Variants in UBE2L3 observed in about 807,000 individuals in gnomAD.
The protein encoded by UBE2L3 is ubiquitin conjugating enzyme E2 L3.
A neutral mutation model predicts 17.8 loss-of-function variants in UBE2L3; 1 was observed. The observed-to-expected ratio is 0.06, with a 90% confidence interval of 0.02 to 0.27. The LOEUF is 0.27. UBE2L3 is among the 10% of genes least tolerant of loss of function. The pLI, the probability that UBE2L3 is intolerant of heterozygous loss-of-function variation, is 1.00. For missense variants in UBE2L3, 40 were observed against 192.6 expected (o/e 0.21, Z 4.69); for synonymous variants, 44 against 68.5 (o/e 0.64, Z 1.76).
intron 3 of UBE2L3, among the ~76,000 whole-genome samples, 156 bp from the exon 4 acceptor site, chr22:21,621,359 C>T (rs1323874830): frequency 6.6e-6 from 1 of 152,174 alleles, no homozygotes; most frequent in East Asian, 1.9e-4. Flanking sequence ...TTCTGGCAGT[C>T]AGAATTTTGG....
At chr22:21,560,906 A>C (rs917706265) in intron 1 of UBE2L3, among the ~76,000 whole-genome samples, 11 of 152,304 alleles carry the variant, frequency 7.2e-5, no homozygotes, top group Admixed American at 2.6e-4. Flanking sequence ...TTAAGCATGC[A>C]ATCTAGCCAG....
chr22:21,563,073 C>G (rs200914186), upstream of UBE2L3, among the ~76,000 whole-genome samples: 2 of 150,900 alleles, frequency 1.3e-5, no homozygotes, highest in East Asian at 4.0e-4. Flanking sequence ...GAAACCCCGT[C>G]TCTACTAAAA....
chr22:21,568,373 A>G, intron 1 of UBE2L3: 1 of 985,486 alleles, frequency 1.0e-6, no homozygotes, highest in Non-Finnish European at 1.2e-6. Context: ...AGAGTCACAC[A>G]GCGGGTAAGT....
At chr22:21,565,162 C>A (rs1446271060), upstream of UBE2L3, among the ~76,000 whole-genome samples, 1 of 151,804 alleles carries the variant, frequency 6.6e-6, no homozygotes, top group African/African-American at 2.4e-5. Flanking sequence ...GAGCTATCTC[C>A]ACTCACGGCA....
At position 21,575,258 on chromosome 22, in the gene UBE2L3, CAA is replaced by C. The variant is rs999280735; in HGVS notation, c.27+7505_27+7506del. ...TGGGCAACAGAGTAAGACTCCATCT[CAA>C]AAAAAAAAAAAAAAAAAGAAAAGGA... On this transcript the variant is annotated intron_variant, in intron 1 of 3. Coordinates refer to ENST00000342192, the MANE Select transcript of UBE2L3 (RefSeq NM_003347.4). Among the ~76,000 whole-genome samples, 364 of 52,700 alleles carry C rather than the reference CAA, an allele frequency of 6.9e-3. 1 individual carries two copies. The highest frequency in any genetic ancestry group is 0.017 in the African/African-American group (325 of 19,234). The allele number at this position is 52,700 out of a possible 152,430, so 34.6% of individuals were successfully genotyped here.
chr22:21,559,184 TA>T (rs1416010122), intron 1 of UBE2L3, among the ~76,000 whole-genome samples: 6 of 152,064 alleles, frequency 3.9e-5, no homozygotes, highest in African/African-American at 1.5e-4. Context: ...CCATCTCTAC[TA>T]AAAAACACAA....
intron 2 of UBE2L3, among the ~76,000 whole-genome samples, chr22:21,609,177 G>A (rs1033621310): frequency 2.6e-5 from 4 of 152,172 alleles, no homozygotes; most frequent in East Asian, 1.9e-4. Context: ...GATTACAGGC[G>A]TGAGCCACCG....
chr22:21,575,148 AC>A (rs1927192583), intron 1 of UBE2L3, among the ~76,000 whole-genome samples: 1 of 150,224 alleles, frequency 6.7e-6, no homozygotes, highest in Non-Finnish European at 1.5e-5. Flanking sequence ...AATCCCAGCT[AC>A]TCGGGAGGCT....
chr22:21,576,801 CTTTT>C (rs757829734), intron 1 of UBE2L3, among the ~76,000 whole-genome samples: 3 of 118,140 alleles, frequency 2.5e-5, no homozygotes, highest in African/African-American at 3.4e-5. Flanking sequence ...CTTCTCTTTC[CTTTT>C]TTTTTTTTTT....
intron 1 of UBE2L3, among the ~76,000 whole-genome samples, chr22:21,572,261 C>G (rs1927009346): frequency 6.6e-6 from 1 of 151,944 alleles, no homozygotes; most frequent in East Asian, 1.9e-4. Context: ...AGTGAAACCC[C>G]CGTCTCTACT....
chr22:21,611,999 G>T (rs2148442654), intron 3 of UBE2L3, among the ~76,000 whole-genome samples: 1 of 152,222 alleles, frequency 6.6e-6, no homozygotes, highest in Middle Eastern at 3.4e-3. Flanking sequence ...CGCAAAGTAT[G>T]GCTGAGGTGC....
At chr22:21,570,384 G>GT (rs1480082711) in intron 1 of UBE2L3, among the ~76,000 whole-genome samples, 2 of 152,172 alleles carry the variant, frequency 1.3e-5, no homozygotes, top group Non-Finnish European at 2.9e-5. Context: ...GGTTATTTAC[G>GT]TAAGTCATCT....
Position 21,568,046 on chromosome 22 carries a change from CCCCCTGTCGCGGAGGCCGCGGT to C in UBE2L3, c.27+278_27+299del, listed in dbSNP as rs978803074. ...CTCTCCGCCCGGAGCTTGGCCGCGT[CCCCCTGTCGCGGAGGCCGCGGT>C]CCGATCTGAGGGCGTCGTTAATGTG... On this transcript the variant is annotated intron_variant, in intron 1 of 3. Transcript: ENST00000342192. The C allele has an allele frequency of 3.9e-5, 50 of 1,280,806 alleles. 1 individual carries two copies. The African/African-American group carries it at 6.6e-4, about 17-fold the overall frequency. 79.3% of individuals were successfully genotyped at this position (1,280,806 alleles called of 1,614,324 possible).
intron 1 of UBE2L3, among the ~76,000 whole-genome samples, chr22:21,586,183 T>G (rs1274901759): frequency 6.6e-6 from 1 of 152,168 alleles, no homozygotes; most frequent in African/African-American, 2.4e-5. Flanking sequence ...GCTTAAGTGA[T>G]CCTCCTGCCT....
intron 1 of UBE2L3, among the ~76,000 whole-genome samples, chr22:21,568,754 G>C (rs1481093146): frequency 1.3e-5 from 2 of 152,098 alleles, no homozygotes; most frequent in African/African-American, 2.4e-5. Context: ...AAAAGGCCCA[G>C]GAGCCAGTTT....
chr22:21,619,550 C>T (rs1301876595), intron 3 of UBE2L3, among the ~76,000 whole-genome samples: 1 of 152,238 alleles, frequency 6.6e-6, no homozygotes, highest in Non-Finnish European at 1.5e-5. Flanking sequence ...TTCCCATTCT[C>T]ACCAGGCACA....
Position 21,568,690 on chromosome 22 carries a change from C to A in UBE2L3, c.27+919C>A, listed in dbSNP as rs1462131435. 2.6e-5 allele frequency among the ~76,000 whole-genome samples: 4 copies of A among 152,122 alleles called. 1 individual carries two copies. Among genetic ancestry groups the A allele is most frequent in the Non-Finnish European group, 5.9e-5 (4 of 68,024 alleles). ...CCTCTGTAGCCCACCCCGCCAGCAT[C>A]TGTGAGTCGGCGGCTGGGTAGTGCT... On this transcript the variant is annotated intron_variant, in intron 1 of 3. Coordinates refer to ENST00000342192, the MANE Select transcript of UBE2L3 (RefSeq NM_003347.4).
chr22:21,568,349 C>T (rs764326469), intron 1 of UBE2L3: 48 of 985,338 alleles, frequency 4.9e-5, no homozygotes, highest in Non-Finnish European at 5.5e-5. Context: ...AGCAAACTGT[C>T]GCCTTGTGAC....
chr22:21,585,073 T>C (rs1056203730), intron 1 of UBE2L3, among the ~76,000 whole-genome samples: 2 of 152,264 alleles, frequency 1.3e-5, no homozygotes. Context: ...CACATTTCTT[T>C]AGGCCATAGG....
Sources: gnomAD v4.1 joint callset for allele counts (sites outside exome capture counted in the v4.1 genomes callset) on GRCh38, gnomAD v4.1.1 for gene constraint, MANE v1.5 for transcripts, NCBI Gene and HGNC (gene_info 2026-07-23, HGNC 2026-07-21) for gene names.